The following CREBL2 variants were observed in gnomAD, a reference collection of about 807,000 sequenced individuals.
CREBL2 encodes cAMP-responsive element-binding protein-like 2.
Under a neutral mutation model 19.5 loss-of-function variants are expected in CREBL2, and 4 were observed. The ratio of observed to expected loss-of-function variants is 0.20; its 90% CI spans 0.10 to 0.47. The LOEUF (loss-of-function observed/expected upper bound fraction) is 0.47, where lower values mean the gene tolerates loss of function less well. CREBL2 is among the 20% of genes least tolerant of loss of function. CREBL2 has a pLI of 0.98. For missense variants in CREBL2, 85 were observed against 145.1 expected, an observed-to-expected ratio of 0.59 and a Z score of 2.13; for synonymous variants, 42 against 46.6, an observed-to-expected ratio of 0.90 and a Z score of 0.40.
rs1945531222 is a variant in CREBL2, at chr12:12,642,527, T to A, written c.*529T>A. 1 of 152,750 alleles carries A rather than the reference T, an allele frequency of 6.5e-6. No individual in the cohort carries two copies. The highest frequency in any genetic ancestry group is 2.4e-5 in the African/African-American group (1 of 41,470). The allele number at this position is 152,750 out of a possible 1,614,324, so 9.5% of individuals were successfully genotyped here. On this transcript the variant is annotated 3_prime_UTR_variant, in exon 4 of 4. Transcript: ENST00000228865. The stretch of plus-strand genomic sequence containing the variant: ...TGTTTATTCTCTGCATGAACCATGA[T>A]TTCTCCTGTGAGCCATTCCAGCATA...
intron 2 of CREBL2, among the ~76,000 whole-genome samples, chr12:12,637,232 T>TA (rs2136306710): frequency 5.7e-5 from 1 of 17,458 alleles, no homozygotes. Context: ...GTGACAATTA[T>TA]TAAAAAAAAA....
intron 1 of CREBL2, among the ~76,000 whole-genome samples, chr12:12,632,064 CTTTCTT>C (rs1566112058): frequency 3.3e-5 from 3 of 91,940 alleles, no homozygotes; most frequent in Non-Finnish European, 7.0e-5. Flanking sequence ...TATACTATGC[CTTTCTT>C]TTTTTTTTTT....
intron 1 of CREBL2, among the ~76,000 whole-genome samples, chr12:12,629,425 A>G (rs1945426338): frequency 1.3e-5 from 2 of 152,126 alleles, no homozygotes; most frequent in Non-Finnish European, 2.9e-5. Flanking sequence ...TTGTTCATTG[A>G]TAGTGTGTAG....
At position 12,637,643 on chromosome 12, in the gene CREBL2, A is replaced by G; in HGVS notation, c.287A>G (p.Glu96Gly). ...ATAAAGGCCCTACTCACTGGAGAAG[A>G]GCAGAACAAATCTCAGCAGAACTCA... ...SEIKALLTGE[E>G]QNKSQQNSSR... Residue 96 changes from glutamate (E) to glycine (G), a missense_variant, in exon 3 of 4, where the codon GAG becomes GGG. Physicochemically the swap from Glu to Gly is moderately conservative, Grantham distance 98. Around this residue, in one of 5 missense-constraint regions of CREBL2, gnomAD observed 42 missense variants for 38.4 expected, o/e 1.09. Coordinates refer to ENST00000228865, the MANE Select transcript of CREBL2 (RefSeq NM_001310.4). The G allele has an allele frequency of 3.7e-6, 6 of 1,613,836 alleles. No individual in the cohort carries two copies. Among genetic ancestry groups the G allele is most frequent in the Non-Finnish European group, 5.1e-6 (6 of 1,179,778 alleles).
In CREBL2 at chr12:12,644,766, T is replaced by C. The variant is rs1945551960; in HGVS notation, c.*2768T>C. On this transcript the variant is annotated 3_prime_UTR_variant, in exon 4 of 4. Coordinates refer to ENST00000228865, the MANE Select transcript of CREBL2 (RefSeq NM_001310.4). ...CTCAGCATCACTATGTAGCATTCTG[T>C]TTTAGCATCTTTGAATTATGATCAT... is the stretch of plus-strand genomic sequence containing the variant. 6.6e-6 allele frequency: 1 copy of C among 152,602 alleles called. No homozygotes were observed. The highest frequency in any genetic ancestry group is 2.4e-5 in the African/African-American group (1 of 41,472). 9.5% of individuals were successfully genotyped at this position (152,602 alleles called of 1,614,324 possible).
chr12:12,627,922 G>A (rs1945414796), intron 1 of CREBL2, among the ~76,000 whole-genome samples: 1 of 152,084 alleles, frequency 6.6e-6, no homozygotes, highest in African/African-American at 2.4e-5. Flanking sequence ...GTCTCACTTT[G>A]TTGCCAGGAT....
chr12:12,613,464 G>A (rs951156169), intron 1 of CREBL2, among the ~76,000 whole-genome samples: 6 of 152,132 alleles, frequency 3.9e-5, no homozygotes, highest in Non-Finnish European at 8.8e-5. Context: ...TATCCTCAGA[G>A]AGATTCAAAA....
intron 1 of CREBL2, among the ~76,000 whole-genome samples, chr12:12,616,201 A>G (rs1408251304): frequency 6.6e-6 from 1 of 152,216 alleles, no homozygotes; most frequent in Admixed American, 6.5e-5. Flanking sequence ...GTCTTCAATA[A>G]TTTCAAATAA....
chr12:12,641,253 A>ATTATTATTTTTTTTTTTT (rs1478394376), intron 3 of CREBL2, among the ~76,000 whole-genome samples: 2 of 78,262 alleles, frequency 2.6e-5, no homozygotes, highest in African/African-American at 4.8e-5. Flanking sequence ...TATTATTATT[A>ATTATTATTTTTTTTTTTT]TTTTTTTTTA....
rs991999202 is a variant in CREBL2 at position 12,643,686 on chromosome 12, T to C, written c.*1688T>C. ...TCTAGTCTAGTCTAGTCTAGTCTAG[T>C]CTAGTCATGTGTGACTGTGTACTGA... On this transcript the variant is annotated 3_prime_UTR_variant, in exon 4 of 4. Coordinates refer to ENST00000228865, the MANE Select transcript of CREBL2 (RefSeq NM_001310.4). 6.6e-5 allele frequency: 10 copies of C among 152,162 alleles called. No homozygotes were observed. Among genetic ancestry groups the C allele is most frequent in the African/African-American group, 2.4e-4 (10 of 41,416 alleles). The allele number at this position is 152,162 out of a possible 1,614,324, so 9.4% of individuals were successfully genotyped here. A position where few individuals can be genotyped will look rare whatever the true frequency, so the allele number is the denominator to read the frequency against.
At chr12:12,635,125 C>T (rs1337008904) in intron 1 of CREBL2, among the ~76,000 whole-genome samples, 2 of 151,738 alleles carry the variant, frequency 1.3e-5, no homozygotes, top group Admixed American at 1.3e-4. Context: ...CTTGGGAGGC[C>T]AAGGCAAATG....
intron 1 of CREBL2, among the ~76,000 whole-genome samples, chr12:12,630,838 G>A (rs1244783374): frequency 1.3e-5 from 2 of 152,052 alleles, no homozygotes; most frequent in Non-Finnish European, 2.9e-5. Flanking sequence ...AATTTCCCTT[G>A]TAATCACAAT....
At chr12:12,616,377 C>T (rs1945311594) in intron 1 of CREBL2, among the ~76,000 whole-genome samples, 1 of 152,172 alleles carries the variant, frequency 6.6e-6, no homozygotes. Flanking sequence ...GAATTACTTC[C>T]TAAAGGATAC....
chr12:12,614,541 C>CA (rs1945294121), intron 1 of CREBL2: 1 of 180,254 alleles, frequency 5.5e-6, no homozygotes, highest in South Asian at 1.0e-4. Flanking sequence ...GATCACAACT[C>CA]ACTGCAGCCT....
intron 2 of CREBL2, 125 bp from the exon 3 acceptor site, chr12:12,637,445 G>T: frequency 2.0e-6 from 1 of 493,654 alleles, no homozygotes. Flanking sequence ...CAGCGAACGT[G>T]ACCTCTAGCC....
intron 3 of CREBL2, among the ~76,000 whole-genome samples, chr12:12,641,383 C>T (rs1446272893): frequency 6.6e-6 from 1 of 150,812 alleles, no homozygotes; most frequent in Non-Finnish European, 1.5e-5. Context: ...TCTTGGCTCA[C>T]TGCAACCTCT....
chr12:12,635,399 A>T (rs1011185403), intron 1 of CREBL2, among the ~76,000 whole-genome samples: 1 of 152,038 alleles, frequency 6.6e-6, no homozygotes, highest in Non-Finnish European at 1.5e-5. Context: ...TGTCATGAAC[A>T]AAATATTTAG....
At chr12:12,633,188 CAGCCTCCCAAAGTGTTGGGATT>C (rs1281416657) in intron 1 of CREBL2, among the ~76,000 whole-genome samples, 1 of 152,142 alleles carries the variant, frequency 6.6e-6, no homozygotes, top group African/African-American at 2.4e-5. Context: ...CCACCTGCCT[CAGCCTCCCAAAGTGTTGGGATT>C]ACAGGTGTGA....
chr12:12,616,700 C>G (rs1056530182), intron 1 of CREBL2, among the ~76,000 whole-genome samples: 3 of 152,212 alleles, frequency 2.0e-5, no homozygotes, highest in African/African-American at 4.8e-5. Flanking sequence ...TATAATCCCA[C>G]AAAATTGTAC....
Sources: allele counts gnomAD v4.1 joint callset (sites outside exome capture counted in the v4.1 genomes callset), GRCh38; gene constraint gnomAD v4.1.1; regional missense constraint gnomAD v4.1.1; transcripts MANE v1.5; gene names NCBI Gene and HGNC (gene_info 2026-07-23, HGNC 2026-07-21).